The following SULT4A1 variants were observed in gnomAD, a reference collection of about 807,000 sequenced individuals.
SULT4A1 encodes the protein sulfotransferase 4A1.
A neutral mutation model predicts 35.2 loss-of-function variants in SULT4A1; 11 were observed. The observed-to-expected ratio is 0.31, with a 90% confidence interval of 0.20 to 0.52. The LOEUF (loss-of-function observed/expected upper bound fraction) is 0.52, where lower values mean the gene tolerates loss of function less well. Ranked by LOEUF, SULT4A1 falls within the 20% of genes least tolerant of loss-of-function variation. SULT4A1 has a pLI of 0.97. For missense variants in SULT4A1, 271 were observed against 383.7 expected, an observed-to-expected ratio of 0.71 and a Z score of 2.45; for synonymous variants, 152 against 151.8, an observed-to-expected ratio of 1.00 and a Z score of -0.01.
rs2063283285 is a variant in SULT4A1 at position 43,825,863 on chromosome 22, C to CA, written c.*137dup. On this transcript the variant is annotated 3_prime_UTR_variant, in exon 7 of 7. Coordinates refer to ENST00000330884, the MANE Select transcript of SULT4A1 (RefSeq NM_014351.4). ...TGGGAATCATCACACTCCCTCCGCT[C>CA]ACGCCGCTCTTCCCTTCCCCCGCTG... is the stretch of plus-strand genomic sequence containing the variant. 16 of 820,576 alleles carry CA rather than the reference C, an allele frequency of 1.9e-5. No homozygotes were observed. The South Asian group carries it at 2.8e-4, about 14-fold the overall frequency. 50.8% of individuals were successfully genotyped at this position (820,576 alleles called of 1,614,324 possible).
chr22:43,836,096 A>G (rs1279811066), intron 4 of SULT4A1, among the ~76,000 whole-genome samples: 1 of 152,282 alleles, frequency 6.6e-6, no homozygotes, highest in African/African-American at 2.4e-5. Flanking sequence ...ACACGGTCAC[A>G]GAGGCTGCAT....
chr22:43,841,692 C>G (rs2063430701), intron 2 of SULT4A1, 110 bp downstream of exon 2: 4 of 1,486,826 alleles, frequency 2.7e-6, no homozygotes, highest in Non-Finnish European at 2.7e-6. Context: ...CTGGGGCTAT[C>G]TGCTCTCCCC....
At chr22:43,844,307 G>A (rs1283463719) in intron 1 of SULT4A1, among the ~76,000 whole-genome samples, 1 of 152,220 alleles carries the variant, frequency 6.6e-6, no homozygotes, top group Non-Finnish European at 1.5e-5. Context: ...GCCTGGGCAA[G>A]CCCAGCGTGC....
At chr22:43,854,381 C>T (rs2285165) in intron 1 of SULT4A1, among the ~76,000 whole-genome samples, 35,293 of 152,134 alleles carry the variant, frequency 0.23, 4,764 homozygotes, top group East Asian at 0.46. Context: ...CAGCTGCCCC[C>T]GCCAAGCCCA....
At chr22:43,840,335 A>G (rs1376563963) in intron 2 of SULT4A1, among the ~76,000 whole-genome samples, 2 of 151,992 alleles carry the variant, frequency 1.3e-5, no homozygotes, top group Non-Finnish European at 2.9e-5. Context: ...GAGGGGTCAG[A>G]GCAAGAGGAG....
At chr22:43,852,743 T>C (rs923017207) in intron 1 of SULT4A1, among the ~76,000 whole-genome samples, 2 of 150,796 alleles carry the variant, frequency 1.3e-5, no homozygotes, top group Admixed American at 6.6e-5. Context: ...AGAGGAAAAG[T>C]AGAGTTCCTG....
At chr22:43,844,686 G>A (rs140897620) in intron 1 of SULT4A1, among the ~76,000 whole-genome samples, 6 of 152,248 alleles carry the variant, frequency 3.9e-5, no homozygotes, top group Middle Eastern at 3.4e-3. Flanking sequence ...AGCACTCTCC[G>A]CTCTGCCTGT....
intron 1 of SULT4A1, among the ~76,000 whole-genome samples, chr22:43,845,694 G>T (rs877178): frequency 1.3e-5 from 2 of 152,172 alleles, no homozygotes; most frequent in African/African-American, 4.8e-5. Flanking sequence ...GAACCGAGAC[G>T]CACAGGAGGA....
intron 2 of SULT4A1, among the ~76,000 whole-genome samples, chr22:43,841,379 G>A (rs2063427279): frequency 6.6e-6 from 1 of 152,170 alleles, no homozygotes; most frequent in Non-Finnish European, 1.5e-5. Context: ...GACGGGGTGG[G>A]GGTGCCTGTG....
rs1449228472 is a variant in SULT4A1 at position 43,825,725 on chromosome 22, A to G, written c.*276T>C. On this transcript the variant is annotated 3_prime_UTR_variant, in exon 7 of 7. Coordinates refer to ENST00000330884, the MANE Select transcript of SULT4A1 (RefSeq NM_014351.4). ...GAAAAGGCAGACATTCTAGTTGCAT[A>G]TATTACAGGCTTTATCCTTACGGTC... 2.2e-5 allele frequency: 6 copies of G among 278,800 alleles called. No individual in the cohort carries two copies. Among genetic ancestry groups the G allele is most frequent in the Non-Finnish European group, 4.0e-5 (6 of 151,050 alleles). The allele number at this position is 278,800 out of a possible 1,614,324, so 17.3% of individuals were successfully genotyped here. A position where few individuals can be genotyped will look rare whatever the true frequency, so the allele number is the denominator to read the frequency against.
chr22:43,833,428 G>A (rs1423658062), intron 5 of SULT4A1, among the ~76,000 whole-genome samples: 6 of 151,652 alleles, frequency 4.0e-5, no homozygotes, highest in African/African-American at 1.5e-4. Flanking sequence ...GCCTCGCACG[G>A]CATGGCTGCC....
intron 1 of SULT4A1, among the ~76,000 whole-genome samples, chr22:43,859,917 G>A (rs1281826399): frequency 1.3e-5 from 2 of 152,234 alleles, no homozygotes; most frequent in East Asian, 3.8e-4. Flanking sequence ...ACGCTGGAGA[G>A]CACAGTCCTA....
chr22:43,831,593 GGCA>G (rs2063326355), intron 5 of SULT4A1, among the ~76,000 whole-genome samples: 2 of 152,182 alleles, frequency 1.3e-5, no homozygotes, highest in African/African-American at 4.8e-5. Context: ...ATGAAGCGGT[GGCA>G]CATTCGTGCT....
At chr22:43,837,007 G>GCAGAGCTGGTCACCAGC (rs2063382722) in intron 4 of SULT4A1, among the ~76,000 whole-genome samples, 1 of 152,180 alleles carries the variant, frequency 6.6e-6, no homozygotes. Flanking sequence ...TGGTCACCAG[G>GCAGAGCTGGTCACCAGC]CTCACGCGTG....
chr22:43,840,781 C>T (rs1322154610), intron 2 of SULT4A1, among the ~76,000 whole-genome samples: 4 of 152,238 alleles, frequency 2.6e-5, no homozygotes, highest in Admixed American at 6.5e-5. Flanking sequence ...TAGGAATGGG[C>T]CCAGCCCTCA....
At chr22:43,836,042 T>C (rs997390273) in intron 4 of SULT4A1, among the ~76,000 whole-genome samples, 3 of 152,370 alleles carry the variant, frequency 2.0e-5, no homozygotes, top group Admixed American at 2.0e-4. Flanking sequence ...CCATCTGGAA[T>C]ATGAAGGAAG....
Position 43,825,401 on chromosome 22 carries a change from C to A in SULT4A1, c.*600G>T, listed in dbSNP as rs1306915080. On this transcript the variant is annotated 3_prime_UTR_variant, in exon 7 of 7. Coordinates refer to ENST00000330884, the MANE Select transcript of SULT4A1 (RefSeq NM_014351.4). ...ATTCTGAAGACCTAGTGAACAATTT[C>A]TGCTCATTTCAGGAAGGTTCTGAAG... 3.3e-5 allele frequency: 5 copies of A among 152,270 alleles called. No homozygotes were observed. The highest frequency in any genetic ancestry group is 2.6e-4 in the Admixed American group (4 of 15,280). The allele number at this position is 152,270 out of a possible 1,614,324, so 9.4% of individuals were successfully genotyped here.
chr22:43,835,014 GCCCTGTGCTTCCCGCGCCCCCACCGCGT>G (rs2063357866), intron 4 of SULT4A1, among the ~76,000 whole-genome samples: 3 of 82,182 alleles, frequency 3.7e-5, no homozygotes, highest in South Asian at 4.9e-4. Flanking sequence ...CCACACCGCG[GCCCTGTGCTTCCCGCGCCCCCACCGCGT>G]CCCTGTGCTT....
intron 1 of SULT4A1, among the ~76,000 whole-genome samples, chr22:43,847,628 C>T (rs1422365279): frequency 6.6e-6 from 1 of 151,710 alleles, no homozygotes; most frequent in Non-Finnish European, 1.5e-5. Flanking sequence ...CCAAGCCCAG[C>T]GCCCCAGTGG....
Sources: gnomAD v4.1 joint callset for allele counts (sites outside exome capture counted in the v4.1 genomes callset) on GRCh38, gnomAD v4.1.1 for gene constraint, MANE v1.5 for transcripts, NCBI Gene and HGNC (gene_info 2026-07-23, HGNC 2026-07-21) for gene names.